MCOLN2: variants seen among roughly 807,000 people sequenced by gnomAD.
MCOLN2 encodes mucolipin TRP cation channel 2, also known as mucolipin-2.
MCOLN2 carries 57 observed loss-of-function variants against 67.5 expected under a neutral mutation model. The observed-to-expected ratio is 0.84, with a 90% confidence interval of 0.68 to 1.05. MCOLN2 has a LOEUF of 1.05. MCOLN2 is among the 50% of genes least tolerant of loss of function. MCOLN2 has a pLI of 0.00. For missense variants in MCOLN2, 620 were observed against 678.8 expected, an observed-to-expected ratio of 0.91 and a Z score of 0.96; for synonymous variants, 246 against 233.3, an observed-to-expected ratio of 1.05 and a Z score of -0.50.
chr1:84,987,912 G>A (rs548818788), intron 1 of MCOLN2, among the ~76,000 whole-genome samples: 29 of 152,024 alleles, frequency 1.9e-4, no homozygotes, highest in Non-Finnish European at 3.5e-4. Context: ...TTGGCGACTC[G>A]GGAAAGGGTT....
At chr1:84,988,822 T>TA (rs1024837692) in intron 1 of MCOLN2, among the ~76,000 whole-genome samples, 1 of 152,110 alleles carries the variant, frequency 6.6e-6, no homozygotes, top group African/African-American at 2.4e-5. Flanking sequence ...TCCCATACCC[T>TA]CTTCCCCTTC....
At position 84,937,537 on chromosome 1, in the gene MCOLN2, C is replaced by T. The variant is rs951050499; in HGVS notation, c.1335+218G>A. The T allele has an allele frequency of 1.1e-5, 13 of 1,206,718 alleles. No individual in the cohort carries two copies. The African/African-American group carries it at 2.0e-4, about 19-fold the overall frequency. The allele number at this position is 1,206,718 out of a possible 1,614,324, so 74.8% of individuals were successfully genotyped here. A position where few individuals can be genotyped will look rare whatever the true frequency, so the allele number is the denominator to read the frequency against. The stretch of plus-strand genomic sequence containing the variant: ...AAGCCAGTCCCAGACAACTATAATA[C>T]ATGCTTTCTAGTATTGTACAGTTCT... On this transcript the variant is annotated intron_variant, in intron 11 of 13. Coordinates refer to ENST00000370608, the MANE Select transcript of MCOLN2 (RefSeq NM_153259.4).
At chr1:84,936,636 T>TCA (rs1362516794) in intron 11 of MCOLN2, among the ~76,000 whole-genome samples, 1 of 152,134 alleles carries the variant, frequency 6.6e-6, no homozygotes, top group South Asian at 2.1e-4. Context: ...ATATAATATC[T>TCA]CAAATAGGAA....
chr1:84,941,487 A>T (rs1416469554), intron 7 of MCOLN2, among the ~76,000 whole-genome samples: 1 of 152,194 alleles, frequency 6.6e-6, no homozygotes, highest in East Asian at 1.9e-4. Flanking sequence ...ACAGAGCGAG[A>T]TTCTGTCTCA....
intron 1 of MCOLN2, among the ~76,000 whole-genome samples, chr1:84,974,032 G>C (rs185663709): frequency 1.3e-5 from 2 of 152,146 alleles, no homozygotes; most frequent in East Asian, 3.9e-4. Context: ...GGTTCTGCCC[G>C]GTTAGAGCAG....
At chr1:84,929,933 T>TAA (rs869105033) in intron 12 of MCOLN2, 9,783 of 194,880 alleles carry the variant, frequency 0.05, 322 homozygotes, top group African/African-American at 0.1. Context: ...AGGTTTTTTT[T>TAA]AAAAAAAAAA....
intron 1 of MCOLN2, among the ~76,000 whole-genome samples, chr1:84,971,280 G>C (rs191027338): frequency 1.3e-5 from 2 of 152,078 alleles, no homozygotes; most frequent in African/African-American, 4.8e-5. Flanking sequence ...TGCATGATGA[G>C]ATAGCTGTTT....
At chr1:84,944,362 G>C (rs1031510305) in intron 7 of MCOLN2, among the ~76,000 whole-genome samples, 12 of 152,034 alleles carry the variant, frequency 7.9e-5, no homozygotes, top group Non-Finnish European at 1.6e-4. Flanking sequence ...ATGAAACTCT[G>C]TCTCTACTAA....
chr1:84,987,462 GTATATATAGATA>G (rs1557665444), intron 1 of MCOLN2, among the ~76,000 whole-genome samples: 9 of 82,176 alleles, frequency 1.1e-4, no homozygotes, highest in Non-Finnish European at 1.7e-4. Flanking sequence ...ATACATATAT[GTATATATAGATA>G]TATATACATA....
Position 84,926,405 on chromosome 1 carries a change from A to G in MCOLN2, c.*280T>C, listed in dbSNP as rs1033176548. ...TCTGAAATGATCTTTTTCCATTCCG[A>G]GATCATGTCATAAATTAACAGACTA... On this transcript the variant is annotated 3_prime_UTR_variant, in exon 14 of 14. Coordinates refer to ENST00000370608, the MANE Select transcript of MCOLN2 (RefSeq NM_153259.4). 6.4e-6 allele frequency: 2 copies of G among 311,422 alleles called. No individual in the cohort carries two copies. The highest frequency in any genetic ancestry group is 5.8e-6 in the Non-Finnish European group (1 of 171,266). The allele number at this position is 311,422 out of a possible 1,614,324, so 19.3% of individuals were successfully genotyped here. A position where few individuals can be genotyped will look rare whatever the true frequency, so the allele number is the denominator to read the frequency against.
chr1:84,988,258 C>T (rs1485314152), intron 1 of MCOLN2, among the ~76,000 whole-genome samples: 1 of 151,858 alleles, frequency 6.6e-6, no homozygotes, highest in Non-Finnish European at 1.5e-5. Context: ...TGCTATGTTG[C>T]ACAGGCTGGT....
rs553577603 is a variant in MCOLN2 at position 84,948,947 on chromosome 1, T to C, written c.748-1815A>G. ...GAGGTTGAGACCAGCCTGGCCAACA[T>C]GGTGAAACCCCATCTCTAATAGAAA... On this transcript the variant is annotated intron_variant, in intron 6 of 13. Transcript: ENST00000370608. Among the ~76,000 whole-genome samples the C allele has an allele frequency of 2.9e-4, 44 of 152,238 alleles. 1 individual carries two copies. In the South Asian group the frequency reaches 6.8e-3, roughly 24 times the overall value.
rs371208619 is a variant in MCOLN2 at position 84,947,051 on chromosome 1, A to G, written c.829T>C (p.Leu277=). ...TACTTACTAGATCCAAATATGTTCA[A>G]GTCTTTACATTCTTCAATTTTGGCA... ...SDAKIEECKD[L]NIFGSTQKNA... is the part of the protein sequence containing the mutation. The change falls in exon 7 of 14, where the codon TTG becomes CTG. Residue 277 remains leucine (L), a synonymous_variant. Coordinates refer to ENST00000370608, the MANE Select transcript of MCOLN2 (RefSeq NM_153259.4). 1.4e-5 allele frequency: 22 copies of G among 1,558,918 alleles called. No individual in the cohort carries two copies. In the African/African-American group the frequency reaches 2.2e-4, roughly 15 times the overall value.
intron 2 of MCOLN2, among the ~76,000 whole-genome samples, chr1:84,963,126 A>G (rs746167128): frequency 1.3e-5 from 2 of 152,216 alleles, no homozygotes; most frequent in Non-Finnish European, 2.9e-5. Context: ...TAACTGAAGG[A>G]TTGTAAGCAA....
chr1:84,953,005 T>C (rs182566794), intron 4 of MCOLN2, among the ~76,000 whole-genome samples: 1 of 152,364 alleles, frequency 6.6e-6, no homozygotes, highest in Admixed American at 6.5e-5. Flanking sequence ...GAATAGGATC[T>C]TGGAGTTGGG....
intron 13 of MCOLN2, among the ~76,000 whole-genome samples, chr1:84,927,528 G>A (rs1033193449): frequency 7.9e-5 from 12 of 152,228 alleles, no homozygotes; most frequent in Non-Finnish European, 1.8e-4. Flanking sequence ...TGAAAACCCA[G>A]GTGTTCTGAT....
intron 11 of MCOLN2, among the ~76,000 whole-genome samples, chr1:84,932,706 C>T (rs1009928227): frequency 1.3e-5 from 2 of 152,164 alleles, no homozygotes; most frequent in East Asian, 3.9e-4. Context: ...TTACTCTTCC[C>T]CGCTTTCAGT....
intron 1 of MCOLN2, among the ~76,000 whole-genome samples, chr1:84,987,286 C>T (rs1469800305): frequency 1.4e-5 from 2 of 138,432 alleles, no homozygotes; most frequent in African/African-American, 5.3e-5. Flanking sequence ...TATCTATATA[C>T]ATATGCCATG....
intron 1 of MCOLN2, among the ~76,000 whole-genome samples, chr1:84,981,569 G>A (rs905515538): frequency 2.6e-5 from 4 of 152,132 alleles, no homozygotes; most frequent in African/African-American, 4.8e-5. Context: ...GGCAAATACC[G>A]TATGTTCTCA....
Sources: gnomAD v4.1 joint callset for allele counts (sites outside exome capture counted in the v4.1 genomes callset) on GRCh38, gnomAD v4.1.1 for gene constraint, MANE v1.5 for transcripts, NCBI Gene and HGNC (gene_info 2026-07-23, HGNC 2026-07-21) for gene names.